Variants in UBE2R2 observed in about 807,000 individuals in gnomAD.
The protein encoded by UBE2R2 is ubiquitin-conjugating enzyme E2 R2.
A neutral mutation model predicts 27.8 loss-of-function variants in UBE2R2; 1 was observed. The observed-to-expected ratio is 0.04, with a 90% CI of 0.01 to 0.17. The LOEUF (loss-of-function observed/expected upper bound fraction) is 0.17. Ranked by LOEUF, UBE2R2 falls within the 10% of genes least tolerant of loss-of-function variation. The pLI, the probability that UBE2R2 is intolerant of heterozygous loss-of-function variation, is 1.00. For synonymous variants in UBE2R2, 106 were observed against 113.3 expected, an observed-to-expected ratio of 0.94 and a Z score of 0.41; for missense variants, 100 against 291.0, an observed-to-expected ratio of 0.34 and a Z score of 4.78.
chr9:33,835,728 A>C (rs1471880602), intron 1 of UBE2R2, among the ~76,000 whole-genome samples: 3 of 151,780 alleles, frequency 2.0e-5, no homozygotes, highest in Non-Finnish European at 4.4e-5. Context: ...CAAAAAAAAA[A>C]ACAAAACAGC....
chr9:33,882,724 GT>G (rs1821756742), intron 1 of UBE2R2, among the ~76,000 whole-genome samples: 1 of 152,122 alleles, frequency 6.6e-6, no homozygotes, highest in South Asian at 2.1e-4. Flanking sequence ...TAGTTTAGTG[GT>G]TTCTAGCATA....
intron 2 of UBE2R2, among the ~76,000 whole-genome samples, chr9:33,888,196 C>T (rs1369576403): frequency 1.3e-5 from 2 of 152,042 alleles, no homozygotes; most frequent in Non-Finnish European, 2.9e-5. Flanking sequence ...TCTGCAGTTA[C>T]GAGTGTAGTA....
In UBE2R2 at chr9:33,918,103, A is replaced by C. The variant is rs1220777918; in HGVS notation, c.*866A>C. Reference sequence around the variant, plus strand: ...TGGGAGCAAAGAGTTAAAAATCACTATGCTAAGTTTGGTTGATGCTACTGG... The same window carrying C: ...TGGGAGCAAAGAGTTAAAAATCACTCTGCTAAGTTTGGTTGATGCTACTGG... On this transcript the variant is annotated 3_prime_UTR_variant, in exon 5 of 5. Coordinates refer to ENST00000263228, the MANE Select transcript of UBE2R2 (RefSeq NM_017811.4). 6.5e-6 allele frequency: 1 copy of C among 153,384 alleles called. No individual in the cohort carries two copies. The highest frequency in any genetic ancestry group is 6.5e-5 in the Admixed American group (1 of 15,280). 9.5% of individuals were successfully genotyped at this position (153,384 alleles called of 1,614,324 possible). A position where few individuals can be genotyped will look rare whatever the true frequency, so the allele number is the denominator to read the frequency against.
intron 3 of UBE2R2, among the ~76,000 whole-genome samples, chr9:33,902,433 T>C (rs1381228611): frequency 6.6e-6 from 1 of 152,222 alleles, no homozygotes; most frequent in African/African-American, 2.4e-5. Flanking sequence ...GTAAACCTAC[T>C]AGAATGGTGG....
intron 3 of UBE2R2, among the ~76,000 whole-genome samples, chr9:33,903,265 C>A (rs1013402254): frequency 5.3e-5 from 8 of 152,096 alleles, no homozygotes; most frequent in African/African-American, 1.9e-4. Flanking sequence ...GAAAAAATTG[C>A]ATCCAAAAAA....
intron 1 of UBE2R2, among the ~76,000 whole-genome samples, chr9:33,834,037 T>C (rs1820556576): frequency 6.6e-6 from 1 of 152,180 alleles, no homozygotes; most frequent in Non-Finnish European, 1.5e-5. Flanking sequence ...TGATGGATGC[T>C]TGGGTTGTTC....
At chr9:33,851,750 A>G (rs1024050454) in intron 1 of UBE2R2, among the ~76,000 whole-genome samples, 1 of 152,096 alleles carries the variant, frequency 6.6e-6, no homozygotes, top group African/African-American at 2.4e-5. Context: ...TAAACATCCT[A>G]TTGCTATTGA....
chr9:33,861,308 C>T (rs1018730944), intron 1 of UBE2R2, among the ~76,000 whole-genome samples: 3 of 151,220 alleles, frequency 2.0e-5, no homozygotes, highest in African/African-American at 7.3e-5. Flanking sequence ...TGGCTCATGC[C>T]TCTAATCACA....
chr9:33,834,691 A>T (rs1266937542), intron 1 of UBE2R2, among the ~76,000 whole-genome samples: 6 of 151,824 alleles, frequency 4.0e-5, no homozygotes, highest in Middle Eastern at 3.2e-3. Flanking sequence ...CAGGTGGATC[A>T]CCTGAGGTCA....
At chr9:33,838,353 G>A (rs558863486) in intron 1 of UBE2R2, among the ~76,000 whole-genome samples, 38 of 148,170 alleles carry the variant, frequency 2.6e-4, no homozygotes, top group Middle Eastern at 3.5e-3. Context: ...CTGTGTATAC[G>A]TATATAATGT....
At chr9:33,891,475 A>G (rs923926243) in intron 2 of UBE2R2, among the ~76,000 whole-genome samples, 3 of 151,832 alleles carry the variant, frequency 2.0e-5, no homozygotes, top group African/African-American at 4.8e-5. Context: ...GTGAAATCCC[A>G]CCTCTACTAA....
intron 2 of UBE2R2, among the ~76,000 whole-genome samples, chr9:33,892,854 A>C (rs1313084028): frequency 6.6e-6 from 1 of 152,136 alleles, no homozygotes; most frequent in Non-Finnish European, 1.5e-5. Flanking sequence ...TGTAGGCTAG[A>C]TAATTCTTCA....
At chr9:33,854,718 T>G (rs1213012930) in intron 1 of UBE2R2, among the ~76,000 whole-genome samples, 1 of 117,200 alleles carries the variant, frequency 8.5e-6, no homozygotes, top group Non-Finnish European at 1.9e-5. Flanking sequence ...GCAAGTGCAA[T>G]TTTTTTTTTT....
intron 1 of UBE2R2, among the ~76,000 whole-genome samples, chr9:33,860,587 G>T (rs1821207601): frequency 6.6e-6 from 1 of 151,976 alleles, no homozygotes; most frequent in Admixed American, 6.6e-5. Flanking sequence ...TCTAGGGGTG[G>T]TGTGGTAAAA....
At chr9:33,856,729 TTA>T (rs954406912) in intron 1 of UBE2R2, among the ~76,000 whole-genome samples, 6 of 151,800 alleles carry the variant, frequency 4.0e-5, no homozygotes, top group South Asian at 2.1e-4. Flanking sequence ...TCTTTCCATT[TTA>T]TGTTGTTTCC....
chr9:33,884,074 C>T (rs577943443), intron 1 of UBE2R2, among the ~76,000 whole-genome samples: 4 of 152,074 alleles, frequency 2.6e-5, no homozygotes, highest in African/African-American at 7.2e-5. Flanking sequence ...GGGTGAATTA[C>T]TTGAGCCCAG....
intron 1 of UBE2R2, among the ~76,000 whole-genome samples, chr9:33,870,250 C>T (rs1469071669): frequency 1.3e-5 from 2 of 152,172 alleles, no homozygotes; most frequent in African/African-American, 4.8e-5. Context: ...TCAAGCGATT[C>T]TCCTGCCTCA....
At chr9:33,844,542 C>A in intron 1 of UBE2R2, among the ~76,000 whole-genome samples, 1 of 128,770 alleles carries the variant, frequency 7.8e-6, no homozygotes, top group Admixed American at 8.2e-5. Flanking sequence ...TTTTTTTTAC[C>A]ATCAGTTGTA....
At chr9:33,861,653 G>A (rs746957613) in intron 1 of UBE2R2, among the ~76,000 whole-genome samples, 3 of 151,802 alleles carry the variant, frequency 2.0e-5, no homozygotes, top group Non-Finnish European at 4.4e-5. Flanking sequence ...AACAGTATCT[G>A]ACAGTCTTCT....
Sources: allele counts gnomAD v4.1 joint callset (sites outside exome capture counted in the v4.1 genomes callset), GRCh38; gene constraint gnomAD v4.1.1; transcripts MANE v1.5; gene names NCBI Gene and HGNC (gene_info 2026-07-23, HGNC 2026-07-21).